Variants in GRM8 observed in about 807,000 individuals in gnomAD.
GRM8 encodes metabotropic glutamate receptor 8.
In GRM8, 47 loss-of-function variants were observed where a neutral mutation model predicts 87.2. The ratio of observed to expected loss-of-function variants is 0.54; its 90% CI spans 0.43 to 0.69. The LOEUF is 0.69. Among genes scored for constraint, GRM8 ranks in the 30% least tolerant of loss-of-function variants. The pLI is 0.00. For missense variants in GRM8, 1,019 were observed against 1,139.2 expected (o/e 0.89, Z 1.52); for synonymous variants, 396 against 404.5 (o/e 0.98, Z 0.25).
At chr7:126,894,693 A>C (rs1479568106) in intron 6 of GRM8, among the ~76,000 whole-genome samples, 1 of 152,070 alleles carries the variant, frequency 6.6e-6, no homozygotes, top group African/African-American at 2.4e-5. Context: ...ATACTGGCCC[A>C]TATACCAGGA....
chr7:127,087,766 T>A (rs1823662960), intron 3 of GRM8, among the ~76,000 whole-genome samples: 1 of 152,152 alleles, frequency 6.6e-6, no homozygotes, highest in Non-Finnish European at 1.5e-5. Context: ...CTTTTTACCA[T>A]AATAAAATGA....
intron 6 of GRM8, among the ~76,000 whole-genome samples, chr7:126,804,843 T>A (rs993631433): frequency 6.6e-6 from 1 of 152,202 alleles, no homozygotes; most frequent in East Asian, 1.9e-4. Flanking sequence ...GGCTTGTTAA[T>A]AATTTGTAGG....
At chr7:127,152,539 C>G (rs1384317046) in intron 2 of GRM8, among the ~76,000 whole-genome samples, 2 of 152,150 alleles carry the variant, frequency 1.3e-5, no homozygotes, top group East Asian at 3.9e-4. Flanking sequence ...GAAAGACACT[C>G]AACCTGGATT....
At chr7:126,601,813 T>C (rs913341393) in intron 8 of GRM8, among the ~76,000 whole-genome samples, 108 of 145,192 alleles carry the variant, frequency 7.4e-4, no homozygotes, top group African/African-American at 2.6e-3. Context: ...TTTGAGTTCA[T>C]TGTAGATTCT....
At chr7:126,970,987 C>A (rs1468366612) in intron 3 of GRM8, among the ~76,000 whole-genome samples, 1 of 151,720 alleles carries the variant, frequency 6.6e-6, no homozygotes. Flanking sequence ...TAAACAATCA[C>A]AATAGTAACA....
chr7:126,997,473 T>C (rs1235021075), intron 3 of GRM8, among the ~76,000 whole-genome samples: 3 of 110,392 alleles, frequency 2.7e-5, no homozygotes, highest in Non-Finnish European at 6.0e-5. Flanking sequence ...GAAGAAAACA[T>C]AAAAGATAAA....
intron 3 of GRM8, among the ~76,000 whole-genome samples, chr7:126,906,656 T>C (rs1190628917): frequency 6.6e-6 from 1 of 152,212 alleles, no homozygotes; most frequent in East Asian, 1.9e-4. Context: ...AAATGACAGA[T>C]TTCCAGGGTG....
At chr7:126,962,064 G>A (rs963080173) in intron 3 of GRM8, among the ~76,000 whole-genome samples, 1 of 151,970 alleles carries the variant, frequency 6.6e-6, no homozygotes, top group African/African-American at 2.4e-5. Flanking sequence ...AAATAATATT[G>A]TTCATATATA....
At chr7:126,629,204 C>T (rs945243671) in intron 7 of GRM8, among the ~76,000 whole-genome samples, 2 of 152,180 alleles carry the variant, frequency 1.3e-5, no homozygotes, top group African/African-American at 4.8e-5. Context: ...TTACCCAATT[C>T]TCTAAAGCAG....
chr7:126,613,518 CG>C (rs1279751291), intron 7 of GRM8, among the ~76,000 whole-genome samples: 1 of 152,154 alleles, frequency 6.6e-6, no homozygotes, highest in Non-Finnish European at 1.5e-5. Flanking sequence ...TGGGGCTTGT[CG>C]GACAGTGTGG....
chr7:126,812,943 T>C (rs1472438834), intron 6 of GRM8, among the ~76,000 whole-genome samples: 6 of 152,064 alleles, frequency 3.9e-5, no homozygotes, highest in Non-Finnish European at 8.8e-5. Flanking sequence ...TTAGGTTGAT[T>C]TCATAGCTTT....
chr7:126,475,974 A>G (rs1433188124), intron 9 of GRM8, among the ~76,000 whole-genome samples: 3 of 152,182 alleles, frequency 2.0e-5, no homozygotes, highest in Admixed American at 6.5e-5. Context: ...AAGTGAATGC[A>G]TTAAATGTAT....
intron 3 of GRM8, among the ~76,000 whole-genome samples, chr7:126,912,755 T>A (rs1253010245): frequency 6.6e-6 from 1 of 152,224 alleles, no homozygotes; most frequent in Non-Finnish European, 1.5e-5. Context: ...ACATTAGTGT[T>A]AATAATGTAT....
At chr7:126,777,073 G>T (rs140420416) in intron 6 of GRM8, among the ~76,000 whole-genome samples, 1 of 151,954 alleles carries the variant, frequency 6.6e-6, no homozygotes, top group African/African-American at 2.4e-5. Flanking sequence ...ATTTTTTCCC[G>T]CATTCAGAGT....
chr7:127,242,402 A>G (rs1457990140), intron 2 of GRM8, among the ~76,000 whole-genome samples: 5 of 152,196 alleles, frequency 3.3e-5, no homozygotes, highest in Admixed American at 3.3e-4. Context: ...TGAGCCTAAC[A>G]AAGAGGTTAT....
rs565604403 is a variant in GRM8 at position 126,728,618 on chromosome 7, C to G, written c.1357+41247G>C. On this transcript the variant is annotated intron_variant, in intron 7 of 10. Coordinates refer to ENST00000339582, the MANE Select transcript of GRM8 (RefSeq NM_000845.3). ...GCACAAATAAGAAAATAAAAACATA[C>G]AGTAACTTTGAAAAACACTCGAAGA... Among the ~76,000 whole-genome samples, 10 of 152,266 alleles carry G rather than the reference C, an allele frequency of 6.6e-5. No homozygotes were observed. The South Asian group carries it at 2.1e-3, about 32-fold the overall frequency.
At chr7:127,229,943 T>G (rs1412214975) in intron 2 of GRM8, 5 of 152,204 alleles carry the variant, frequency 3.3e-5, no homozygotes, top group African/African-American at 1.2e-4. Context: ...TCTTAGCAAT[T>G]AATTGTGTAT....
chr7:126,540,340 G>A (rs1340397989), intron 8 of GRM8, among the ~76,000 whole-genome samples: 1 of 152,130 alleles, frequency 6.6e-6, no homozygotes, highest in Non-Finnish European at 1.5e-5. Context: ...TTGCATTGCT[G>A]TGGCAATGTA....
intron 6 of GRM8, among the ~76,000 whole-genome samples, chr7:126,847,549 A>G (rs913498152): frequency 4.6e-5 from 7 of 152,044 alleles, no homozygotes; most frequent in Non-Finnish European, 1.0e-4. Context: ...GTACCAAACA[A>G]ATAGTATTAG....
Sources: gnomAD v4.1 joint callset for allele counts (sites outside exome capture counted in the v4.1 genomes callset) on GRCh38, gnomAD v4.1.1 for gene constraint, MANE v1.5 for transcripts, NCBI Gene and HGNC (gene_info 2026-07-23, HGNC 2026-07-21) for gene names.